Variants in SULT6B1 observed in about 807,000 individuals in gnomAD.
SULT6B1 encodes sulfotransferase 6B1.
Under a neutral mutation model 37.2 loss-of-function variants are expected in SULT6B1, and 44 were observed. That is an observed-to-expected ratio of 1.18 (90% CI 0.93 to 1.52). The LOEUF (loss-of-function observed/expected upper bound fraction) is 1.52, where lower values mean the gene tolerates loss of function less well. SULT6B1 is among the 40% of genes most tolerant of loss of function. The pLI is 0.00. For synonymous variants in SULT6B1, 140 were observed against 126.0 expected, an observed-to-expected ratio of 1.11 and a Z score of -0.74; for missense variants, 450 against 361.0, an observed-to-expected ratio of 1.25 and a Z score of -2.00.
Position 37,187,467 on chromosome 2 carries a change from C to T in SULT6B1, c.200G>A (p.Gly67Asp), listed in dbSNP as rs1376259677. 3 of 1,559,652 alleles carry T rather than the reference C, an allele frequency of 1.9e-6. No individual in the cohort carries two copies. The highest frequency in any genetic ancestry group is 1.4e-5 in the African/African-American group (1 of 73,370). ...DIVLASYPKCGSNWILHIVSE... is the reference protein window; with the variant it reads ...DIVLASYPKCDSNWILHIVSE... ...GACAATGTGGAGAATCCAGTTTGAACCTATCAGAAAAATCAGAGAATAAAA... is the reference window on the plus strand; with the variant it reads ...GACAATGTGGAGAATCCAGTTTGAATCTATCAGAAAAATCAGAGAATAAAA... Residue 67 changes from glycine to aspartate, a missense_variant and splice_region_variant, in exon 2 of 7, where the codon GGT becomes GAT. Gly to Asp is a moderately conservative substitution (Grantham distance 94, BLOSUM62 -1). Transcript: ENST00000535679.
chr2:37,183,355 G>T, intron 3 of SULT6B1, 70 bp downstream of exon 3: 1 of 1,203,846 alleles, frequency 8.3e-7, no homozygotes, highest in Non-Finnish European at 1.2e-6. Flanking sequence ...ACAAACTCAT[G>T]ATCTACTTCC....
chr2:37,182,020 G>C (rs1008632734), intron 3 of SULT6B1, among the ~76,000 whole-genome samples: 1 of 152,128 alleles, frequency 6.6e-6, no homozygotes, highest in African/African-American at 2.4e-5. Context: ...TGACCTTTAA[G>C]ATATTTTCCC....
intron 4 of SULT6B1, among the ~76,000 whole-genome samples, chr2:37,177,586 T>A (rs932697288): frequency 6.6e-6 from 1 of 152,080 alleles, no homozygotes; most frequent in Admixed American, 6.6e-5. Flanking sequence ...TACAAACTTG[T>A]TATGAAGTTA....
intron 6 of SULT6B1, 69 bp from the exon 7 acceptor site, chr2:37,168,134 A>T: frequency 7.0e-7 from 1 of 1,433,196 alleles, no homozygotes; most frequent in East Asian, 2.6e-5. Flanking sequence ...TACCATTTTC[A>T]GTGCAATATT....
chr2:37,193,643 A>AAGAAGAAGAAGAAGAAGAAGG (rs1184385119), upstream of SULT6B1, among the ~76,000 whole-genome samples: 439 of 132,306 alleles, frequency 3.3e-3, 3 homozygotes, highest in African/African-American at 0.012. Flanking sequence ...GAAGAAGAAG[A>AAGAAGAAGAAGAAGAAGAAGG]AGAAGAAGGA....
intron 6 of SULT6B1, among the ~76,000 whole-genome samples, chr2:37,169,709 G>C (rs187436507): frequency 6.6e-6 from 1 of 152,238 alleles, no homozygotes; most frequent in Non-Finnish European, 1.5e-5. Flanking sequence ...TCGCCAGGCT[G>C]GTCTTGAACT....
intron 2 of SULT6B1, among the ~76,000 whole-genome samples, chr2:37,184,468 CA>C (rs1166989597): frequency 2.0e-5 from 3 of 152,172 alleles, no homozygotes; most frequent in Non-Finnish European, 4.4e-5. Context: ...CACTTACAAT[CA>C]GACCATTAGT....
chr2:37,173,721 C>G (rs77914391), intron 5 of SULT6B1, among the ~76,000 whole-genome samples: 3,617 of 152,284 alleles, frequency 0.024, 63 homozygotes, highest in Middle Eastern at 0.058. Flanking sequence ...GCAGCAAATC[C>G]TGTTGGCCTT....
At chr2:37,194,355 C>A (rs1235251208) in intron 1 of SULT6B1, 3 of 329,198 alleles carry the variant, frequency 9.1e-6, no homozygotes, top group Non-Finnish European at 1.2e-5. Flanking sequence ...GCTGGGGTTA[C>A]AGGCATGAGC....
upstream of SULT6B1, among the ~76,000 whole-genome samples, chr2:37,189,226 T>C (rs182722967): frequency 9.2e-5 from 14 of 152,330 alleles, no homozygotes; most frequent in East Asian, 2.3e-3. Context: ...CTAATGATAA[T>C]ATATCTCTAA....
chr2:37,176,369 T>G (rs1259222766), intron 4 of SULT6B1, among the ~76,000 whole-genome samples: 7 of 149,974 alleles, frequency 4.7e-5, no homozygotes, highest in African/African-American at 1.7e-4. Context: ...TTCAAGCAAT[T>G]CTGTCTCAGT....
At chr2:37,170,447 A>G (rs565259529) in intron 6 of SULT6B1, among the ~76,000 whole-genome samples, 1 of 151,808 alleles carries the variant, frequency 6.6e-6, no homozygotes, top group African/African-American at 2.4e-5. Flanking sequence ...AGCCTGGGCG[A>G]CAGAGCAAGA....
At chr2:37,177,007 G>C (rs1230944749) in intron 4 of SULT6B1, among the ~76,000 whole-genome samples, 2 of 152,092 alleles carry the variant, frequency 1.3e-5, no homozygotes, top group Non-Finnish European at 2.9e-5. Context: ...GAGGCCAAGG[G>C]AATATCAGAG....
At chr2:37,177,411 C>CAAAAAAAAAAAAAAA (rs57205863) in intron 4 of SULT6B1, among the ~76,000 whole-genome samples, 5 of 76,290 alleles carry the variant, frequency 6.6e-5, no homozygotes, top group Non-Finnish European at 1.2e-4. Context: ...AATCTTGTCT[C>CAAAAAAAAAAAAAAA]AAAAAAAAAA....
chr2:37,192,857 A>G (rs1676811022), upstream of SULT6B1, among the ~76,000 whole-genome samples: 2 of 152,172 alleles, frequency 1.3e-5, no homozygotes, highest in African/African-American at 4.8e-5. Flanking sequence ...TCTGATTCTT[A>G]GTTTGTCTAG....
chr2:37,188,735 C>T, upstream of SULT6B1: 2 of 557,878 alleles, frequency 3.6e-6, no homozygotes, highest in Non-Finnish European at 6.4e-6. Context: ...AGGGCTCCTC[C>T]CAGTCACATG....
rs1052212632 is a variant in SULT6B1, at chr2:37,175,228, T to A, written c.530-2A>T. On this transcript the variant is annotated splice_acceptor_variant, in intron 4 of 6. Coordinates refer to ENST00000535679, the MANE Select transcript of SULT6B1 (RefSeq NM_001367551.1). LOFTEE classifies it high-confidence loss of function. ...AATCAAAATACCTTCCCCAAGAAAC[T>A]AAAAACACAGGGGGGAAGACTTTAA... 1 of 1,560,196 alleles carries A rather than the reference T, an allele frequency of 6.4e-7. No homozygotes were observed. Among genetic ancestry groups the A allele is most frequent in the Non-Finnish European group, 8.7e-7 (1 of 1,146,368 alleles).
chr2:37,172,993 C>T (rs1365338464), intron 5 of SULT6B1, among the ~76,000 whole-genome samples: 2 of 151,910 alleles, frequency 1.3e-5, no homozygotes, highest in South Asian at 2.1e-4. Flanking sequence ...GTTGGGATTA[C>T]AGGCACGCAC....
At chr2:37,191,446 C>T (rs1429418536), upstream of SULT6B1, among the ~76,000 whole-genome samples, 1 of 152,114 alleles carries the variant, frequency 6.6e-6, no homozygotes, top group African/African-American at 2.4e-5. Context: ...GGCCCATAGG[C>T]TCCACGGCTG....
Sources: allele counts gnomAD v4.1 joint callset (sites outside exome capture counted in the v4.1 genomes callset), GRCh38; gene constraint gnomAD v4.1.1; transcripts MANE v1.5; gene names NCBI Gene and HGNC (gene_info 2026-07-23, HGNC 2026-07-21).